TJP2: variants seen among roughly 807,000 people sequenced by gnomAD.
TJP2 encodes the protein tight junction protein 2, also known as Friedreich ataxia region gene X104 (tight junction protein ZO-2).
A neutral mutation model predicts 133.1 loss-of-function variants in TJP2; 91 were observed. The observed-to-expected ratio is 0.68, with a 90% CI of 0.58 to 0.81. The LOEUF (loss-of-function observed/expected upper bound fraction) is 0.81. TJP2 is among the 40% of genes least tolerant of loss of function. The pLI is 0.00. For missense variants in TJP2, 1,541 were observed against 1,565.6 expected (o/e 0.98, Z 0.26); for synonymous variants, 592 against 583.4 (o/e 1.01, Z -0.21).
intron 9 of TJP2, among the ~76,000 whole-genome samples, chr9:69,228,905 C>A (rs898296313): frequency 3.9e-5 from 6 of 152,234 alleles, no homozygotes; most frequent in Admixed American, 1.3e-4. Flanking sequence ...GAAACAGTAT[C>A]ATTATTGTAT....
intron 1 of TJP2, among the ~76,000 whole-genome samples, chr9:69,138,582 C>T (rs1394395808): frequency 6.6e-6 from 1 of 151,786 alleles, no homozygotes; most frequent in African/African-American, 2.4e-5. Context: ...GCCTAACCAA[C>T]ACGGCAAAAT....
chr9:69,146,218 T>C (rs1034938260), intron 1 of TJP2, among the ~76,000 whole-genome samples: 5 of 152,258 alleles, frequency 3.3e-5, no homozygotes, highest in Non-Finnish European at 7.3e-5. Context: ...GTGCAGACTA[T>C]GCTTCGGGGA....
intron 2 of TJP2, 39 bp from the exon 3 acceptor site, chr9:69,216,300 A>G: frequency 2.5e-6 from 4 of 1,613,402 alleles, no homozygotes; most frequent in Non-Finnish European, 3.4e-6. Context: ...AAAGCCACTT[A>G]TTGAAGGATT....
intron 1 of TJP2, among the ~76,000 whole-genome samples, chr9:69,203,205 C>T (rs1030598711): frequency 1.9e-5 from 1 of 51,724 alleles, no homozygotes; most frequent in Non-Finnish European, 4.5e-5. Flanking sequence ...ATGGGCTGAA[C>T]CTGGCTGGTG....
intron 1 of TJP2, among the ~76,000 whole-genome samples, chr9:69,147,371 T>C (rs968234004): frequency 4.6e-5 from 7 of 152,140 alleles, no homozygotes; most frequent in African/African-American, 1.7e-4. Context: ...ATATCGCAAC[T>C]GATTAGGGAT....
intron 17 of TJP2, among the ~76,000 whole-genome samples, chr9:69,243,248 A>G (rs1207575528): frequency 6.6e-6 from 1 of 152,250 alleles, no homozygotes; most frequent in Non-Finnish European, 1.5e-5. Context: ...TTTGATGAAC[A>G]CAGTAATTTG....
In TJP2 at chr9:69,161,214, A is replaced by ATGTGTGTG. The variant is rs111442939; in HGVS notation, c.-10+9465_-10+9472dup. Among the ~76,000 whole-genome samples the ATGTGTGTG allele has an allele frequency of 1.4e-3, 212 of 148,412 alleles. 1 individual carries two copies. The highest frequency in any genetic ancestry group is 5.0e-3 in the African/African-American group (203 of 40,470). On this transcript the variant is annotated intron_variant, in intron 2 of 5. Transcript: ENST00000423935. ...GGCCAATAGCTGTAGGTCATCAGTG[A>ATGTGTGTG]TGTGTGTGTGTGTGTGTGTGTGTGT...
chr9:69,195,586 A>G (rs997589169), intron 1 of TJP2, among the ~76,000 whole-genome samples: 1 of 152,132 alleles, frequency 6.6e-6, no homozygotes, highest in Non-Finnish European at 1.5e-5. Context: ...GTTAGGGTAT[A>G]GGGTTTTTGG....
chr9:69,197,802 C>T (rs1041908598), intron 1 of TJP2, among the ~76,000 whole-genome samples: 4 of 152,170 alleles, frequency 2.6e-5, no homozygotes, highest in African/African-American at 4.8e-5. Flanking sequence ...TGTAGGGGGA[C>T]TGAGCTTAGA....
chr9:69,223,456 C>A, intron 5 of TJP2, among the ~76,000 whole-genome samples: 1 of 152,088 alleles, frequency 6.6e-6, no homozygotes, highest in Non-Finnish European at 1.5e-5. Context: ...TGTAGGCGCC[C>A]GCCACCACAC....
At chr9:69,144,855 C>A (rs140763045) in intron 1 of TJP2, among the ~76,000 whole-genome samples, 1 of 152,180 alleles carries the variant, frequency 6.6e-6, no homozygotes, top group Non-Finnish European at 1.5e-5. Flanking sequence ...CATCTGTTCA[C>A]CCCAGGGAAG....
intron 1 of TJP2, among the ~76,000 whole-genome samples, chr9:69,137,850 T>G (rs963880563): frequency 6.6e-5 from 10 of 152,158 alleles, no homozygotes; most frequent in Non-Finnish European, 1.5e-4. Flanking sequence ...AGGCTCCATT[T>G]CTTTCTCGTG....
intron 1 of TJP2, among the ~76,000 whole-genome samples, chr9:69,142,261 C>T (rs1293529342): frequency 6.6e-6 from 1 of 152,138 alleles, no homozygotes; most frequent in African/African-American, 2.4e-5. Flanking sequence ...ATAGTTTAAA[C>T]CTAGTAGTGA....
chr9:69,224,645 C>T (rs1284925946), intron 5 of TJP2, among the ~76,000 whole-genome samples: 1 of 152,050 alleles, frequency 6.6e-6, no homozygotes, highest in Non-Finnish European at 1.5e-5. Flanking sequence ...CCCCTGCACT[C>T]CAGCCTGGGT....
intron 12 of TJP2, among the ~76,000 whole-genome samples, chr9:69,235,319 ATTTAT>A (rs142061054): frequency 0.54 from 69,658 of 129,774 alleles, 16,936 homozygotes; most frequent in South Asian, 0.6. Context: ...TTATTTATTT[ATTTAT>A]TTATTATTAT....
At chr9:69,219,157 C>T (rs1281846076) in intron 4 of TJP2, among the ~76,000 whole-genome samples, 13 of 152,040 alleles carry the variant, frequency 8.6e-5, no homozygotes, top group African/African-American at 1.7e-4. Flanking sequence ...TTAGTAGAGA[C>T]GGGGTTTCAC....
chr9:69,235,856 G>A (rs1037766190), intron 12 of TJP2, among the ~76,000 whole-genome samples, 172 bp from the exon 13 acceptor site: 12 of 152,190 alleles, frequency 7.9e-5, no homozygotes, highest in East Asian at 1.9e-4. Flanking sequence ...GCAGCAAGCC[G>A]TGAAGCTGGT....
At position 69,154,569 on chromosome 9, in the gene TJP2, C is replaced by G. The variant is rs184038844; in HGVS notation, c.-10+2798C>G. On this transcript the variant is annotated intron_variant, in intron 2 of 5. Transcript: ENST00000423935. ...CTTTGGGAGGCTGAGGCGGGAGGAT[C>G]GCTTAAGCCCAGGAGTTCAAGAGCA... 3.3e-3 allele frequency among the ~76,000 whole-genome samples: 498 copies of G among 151,482 alleles called. 4 individuals are homozygous for G. The highest frequency in any genetic ancestry group is 0.011 in the African/African-American group (460 of 41,256).
chr9:69,174,186 C>G, upstream of TJP2: 1 of 1,369,436 alleles, frequency 7.3e-7, no homozygotes, highest in Non-Finnish European at 9.4e-7. Context: ...ACGCTCGGGT[C>G]GGGGGCGGGC....
Sources: allele counts gnomAD v4.1 joint callset (sites outside exome capture counted in the v4.1 genomes callset), GRCh38; gene constraint gnomAD v4.1.1; transcripts MANE v1.5; gene names NCBI Gene and HGNC (gene_info 2026-07-23, HGNC 2026-07-21).